The following ZBED4 variants were observed in gnomAD, a reference collection of about 807,000 sequenced individuals.
ZBED4 encodes the protein zinc finger BED-type containing 4.
ZBED4 carries 4 observed loss-of-function variants against 15.5 expected under a neutral mutation model. The observed-to-expected ratio is 0.26, with a 90% CI of 0.13 to 0.59. ZBED4 has a LOEUF of 0.59. Among genes scored for constraint, ZBED4 ranks in the 20% least tolerant of loss-of-function variants. The probability of loss-of-function intolerance (pLI) is 0.90; values close to 1 mark genes in which losing one functional copy is unlikely to be tolerated. For synonymous variants in ZBED4, 692 were observed against 608.5 expected (o/e 1.14, Z -2.02); for missense variants, 1,323 against 1,461.8 (o/e 0.91, Z 1.55).
Position 49,885,961 on chromosome 22 carries a change from T to C in ZBED4, c.2299T>C (p.Ser767Pro), listed in dbSNP as rs1365207177. Residue 767 changes from serine to proline, a missense_variant, in exon 2 of 2, where the codon TCG (serine) becomes CCG (proline). Physicochemically the swap from Ser to Pro is moderately conservative, Grantham distance 74. This residue lies in a region of ZBED4 where 100 missense variants were observed against 79.3 expected (regional missense o/e 1.26). Coordinates refer to ENST00000216268, the MANE Select transcript of ZBED4 (RefSeq NM_014838.3). The part of the protein sequence containing the change: ...ARPRCDDHHC[S>P]ALLDVSQVDC... Reference sequence around the variant, plus strand: ...GCCGCGCTGTGACGACCACCACTGCTCGGCGCTGTTGGACGTGTCGCAGGT... The same window carrying C: ...GCCGCGCTGTGACGACCACCACTGCCCGGCGCTGTTGGACGTGTCGCAGGT... 2 of 721,816 alleles carry C rather than the reference T, an allele frequency of 2.8e-6. No homozygotes were observed. Among genetic ancestry groups the C allele is most frequent in the Non-Finnish European group, 5.0e-6 (2 of 399,028 alleles). 44.7% of individuals were successfully genotyped at this position (721,816 alleles called of 1,614,324 possible). A position where few individuals can be genotyped will look rare whatever the true frequency, so the allele number is the denominator to read the frequency against.
intron 1 of ZBED4, among the ~76,000 whole-genome samples, chr22:49,881,029 C>T (rs1206111192): frequency 6.6e-6 from 1 of 152,152 alleles, no homozygotes; most frequent in East Asian, 1.9e-4. Context: ...TGCTTTTGGA[C>T]ATTATATGTG....
intron 1 of ZBED4, among the ~76,000 whole-genome samples, chr22:49,874,505 C>T (rs2060365762): frequency 6.6e-6 from 1 of 151,186 alleles, no homozygotes; most frequent in African/African-American, 2.4e-5. Context: ...CCTGCCTCAG[C>T]GTCCCAAGTA....
Position 49,883,865 on chromosome 22 carries a change from G to C in ZBED4, c.203G>C (p.Cys68Ser). 1 of 1,607,244 alleles carries C rather than the reference G, an allele frequency of 6.2e-7. No individual in the cohort carries two copies. The highest frequency in any genetic ancestry group is 8.5e-7 in the Non-Finnish European group (1 of 1,174,932). Residue 68 changes from cysteine to serine, a missense_variant, in exon 2 of 2, where the codon TGC becomes TCC. By Grantham distance (112) the Cys-to-Ser change is moderately radical. This residue lies in a region of ZBED4 where 380 missense variants were observed against 413.7 expected (regional missense o/e 0.92). Transcript: ENST00000216268. Reference protein sequence around the residue: ...RAGLGGTGCSCKPPGKYLSAE... With the variant: ...RAGLGGTGCSSKPPGKYLSAE... The stretch of plus-strand genomic sequence containing the variant: ...GGCCTCGGTGGGACGGGTTGCAGCT[G>C]CAAGCCCCCGGGGAAGTACTTGTCT...
chr22:49,880,480 C>T (rs2060403267), intron 1 of ZBED4, among the ~76,000 whole-genome samples: 1 of 152,238 alleles, frequency 6.6e-6, no homozygotes, highest in African/African-American at 2.4e-5. Context: ...CTGGAAGCCC[C>T]GCCGTGAGCG....
At chr22:49,859,358 T>C (rs1226840279) in intron 1 of ZBED4, among the ~76,000 whole-genome samples, 1 of 152,184 alleles carries the variant, frequency 6.6e-6, no homozygotes, top group African/African-American at 2.4e-5. Context: ...CATGTCATAA[T>C]CTAGTAAAGC....
chr22:49,865,935 C>G (rs982099336), intron 1 of ZBED4, among the ~76,000 whole-genome samples: 3 of 150,630 alleles, frequency 2.0e-5, no homozygotes, highest in Admixed American at 1.3e-4. Context: ...TGGTCTCAAA[C>G]TCCCAGCTTC....
intron 1 of ZBED4, among the ~76,000 whole-genome samples, chr22:49,854,459 G>T (rs2060266288): frequency 6.6e-6 from 1 of 152,190 alleles, no homozygotes; most frequent in South Asian, 2.1e-4. Flanking sequence ...AGCCCAGACG[G>T]GTCCTTGCGA....
intron 1 of ZBED4, among the ~76,000 whole-genome samples, chr22:49,881,589 C>G (rs1168294842): frequency 6.6e-6 from 1 of 152,196 alleles, no homozygotes. Flanking sequence ...ATTATTCAGG[C>G]TAGTCTTCAA....
Position 49,883,570 on chromosome 22 carries a change from A to C in ZBED4, c.-93A>C, listed in dbSNP as rs915899883. 9 of 1,429,356 alleles carry C rather than the reference A, an allele frequency of 6.3e-6. No individual in the cohort carries two copies. The African/African-American group carries it at 1.2e-4, about 19-fold the overall frequency. 88.5% of individuals were successfully genotyped at this position (1,429,356 alleles called of 1,614,324 possible). A position where few individuals can be genotyped will look rare whatever the true frequency, so the allele number is the denominator to read the frequency against. ...TCCTGAAAGATGGAATTATGACGAA[A>C]AAGTGAAGATAATCTACATTCGGGG... On this transcript the variant is annotated 5_prime_UTR_variant, in exon 2 of 2. Coordinates refer to ENST00000216268, the MANE Select transcript of ZBED4 (RefSeq NM_014838.3).
At chr22:49,872,470 C>T (rs2060353041) in intron 1 of ZBED4, among the ~76,000 whole-genome samples, 2 of 152,170 alleles carry the variant, frequency 1.3e-5, no homozygotes, top group African/African-American at 4.8e-5. Context: ...GAATTAACTT[C>T]CTTCAACCCA....
chr22:49,884,774 C>T lies in ZBED4; in HGVS notation c.1112C>T (p.Ser371Phe), dbSNP rs1251025326. 6.2e-7 allele frequency: 1 copy of T among 1,605,966 alleles called. No individual in the cohort carries two copies. Among genetic ancestry groups the T allele is most frequent in the South Asian group, 1.1e-5 (1 of 90,420 alleles). Residue 371 changes from serine to phenylalanine, a missense_variant, in exon 2 of 2, where the codon TCT becomes TTT. Ser to Phe is a radical substitution (Grantham distance 155). Transcript: ENST00000216268. Reference protein sequence around the residue: ...SLLPPEGELSSVSSSPVKPVR... With the variant: ...SLLPPEGELSFVSSSPVKPVR... ...CTGCCGCCGGAGGGGGAGCTCAGCT[C>T]TGTGTCCTCGTCTCCAGTAAAGCCG...
At chr22:49,878,495 T>C (rs532962325) in intron 1 of ZBED4, among the ~76,000 whole-genome samples, 1 of 152,160 alleles carries the variant, frequency 6.6e-6, no homozygotes, top group East Asian at 1.9e-4. Flanking sequence ...ACATGGGCAC[T>C]TCATGGAGAA....
rs761727463 is a variant in ZBED4, at chr22:49,883,639, C to G, written c.-24C>G. The stretch of plus-strand genomic sequence containing the variant: ...ATCAGTGTTTTATGAACCTAAGATA[C>G]AGCCGGAGTAGTTATGGTCAGTCAT... On this transcript the variant is annotated 5_prime_UTR_variant, in exon 2 of 2. An upstream open reading frame in the 5' UTR gains an earlier in-frame stop. Coordinates refer to ENST00000216268, the MANE Select transcript of ZBED4 (RefSeq NM_014838.3). 73 of 1,511,498 alleles carry G rather than the reference C, an allele frequency of 4.8e-5. 1 individual carries two copies. The highest frequency in any genetic ancestry group is 1.5e-4 in the South Asian group (11 of 74,092). The allele number at this position is 1,511,498 out of a possible 1,614,324, so 93.6% of individuals were successfully genotyped here. A position where few individuals can be genotyped will look rare whatever the true frequency, so the allele number is the denominator to read the frequency against.
Position 49,876,085 on chromosome 22 carries a change from T to G in ZBED4, c.-329-7249T>G, listed in dbSNP as rs553024514. On this transcript the variant is annotated intron_variant, in intron 1 of 1. Coordinates refer to ENST00000216268, the MANE Select transcript of ZBED4 (RefSeq NM_014838.3). ...AAGTGTTATTTATTTGAAAATAGTT[T>G]GGATTTTTTCAGATATTATTGTATT... Among the ~76,000 whole-genome samples the G allele has an allele frequency of 5.9e-5, 9 of 152,362 alleles. No homozygotes were observed. In the East Asian group the frequency reaches 1.7e-3, roughly 29 times the overall value.
At chr22:49,857,389 C>A (rs750861617) in intron 1 of ZBED4, among the ~76,000 whole-genome samples, 3 of 152,228 alleles carry the variant, frequency 2.0e-5, no homozygotes, top group Non-Finnish European at 2.9e-5. Flanking sequence ...ATCCACATGA[C>A]CCTGTCGTGT....
chr22:49,875,937 T>G (rs1478491182), intron 1 of ZBED4, among the ~76,000 whole-genome samples: 1 of 76,356 alleles, frequency 1.3e-5, no homozygotes, highest in Admixed American at 1.8e-4. Flanking sequence ...TTTCATTGAT[T>G]TTTTTTCTTT....
intron 1 of ZBED4, among the ~76,000 whole-genome samples, chr22:49,871,272 A>G (rs1384393270): frequency 7.7e-6 from 1 of 129,406 alleles, no homozygotes; most frequent in Non-Finnish European, 1.6e-5. Flanking sequence ...GTGGATCACG[A>G]GGTCAGGAGT....
intron 1 of ZBED4, among the ~76,000 whole-genome samples, chr22:49,868,248 A>G (rs2060330675): frequency 6.6e-6 from 1 of 152,204 alleles, no homozygotes; most frequent in Non-Finnish European, 1.5e-5. Context: ...GATTTGGGGA[A>G]ACTAAAAAAT....
In ZBED4 at chr22:49,885,301, A is replaced by G; in HGVS notation, c.1639A>G (p.Lys547Glu). 6.3e-7 allele frequency: 1 copy of G among 1,592,442 alleles called. No homozygotes were observed. Among genetic ancestry groups the G allele is most frequent in the East Asian group, 2.2e-5 (1 of 44,576 alleles). Reference protein sequence around the residue: ...KLTDLPTVVTKNNQVMFPVNS... With the variant: ...KLTDLPTVVTENNQVMFPVNS... ...GACTGACTTGCCAACAGTGGTCACA[A>G]AAAACAATCAAGTTATGTTTCCTGT... The change falls in exon 2 of 2, where the codon AAA becomes GAA. Residue 547 changes from lysine to glutamate, a missense_variant. Coordinates refer to ENST00000216268, the MANE Select transcript of ZBED4 (RefSeq NM_014838.3).
Sources: gnomAD v4.1 joint callset for allele counts (sites outside exome capture counted in the v4.1 genomes callset) on GRCh38, gnomAD v4.1.1 for gene constraint, gnomAD v4.1.1 regional missense constraint, MANE v1.5 for transcripts, NCBI Gene and HGNC (gene_info 2026-07-23, HGNC 2026-07-21) for gene names.